The following ATG4C variants were observed in gnomAD, a reference collection of about 807,000 sequenced individuals.
ATG4C encodes cysteine protease ATG4C.
A neutral mutation model predicts 57.6 loss-of-function variants in ATG4C; 56 were observed. That is an observed-to-expected ratio of 0.97 (90% CI 0.78 to 1.21). The LOEUF is 1.21. Among genes scored for constraint, ATG4C ranks in the 50% most tolerant of loss-of-function variants. ATG4C has a pLI of 0.00. For synonymous variants in ATG4C, 157 were observed against 174.1 expected (o/e 0.90, Z 0.78); for missense variants, 595 against 529.8 (o/e 1.12, Z -1.21).
rs1020186470 is a variant in ATG4C, at chr1:62,813,168, A to G, written c.161-3407A>G. 5.3e-5 allele frequency among the ~76,000 whole-genome samples: 8 copies of G among 152,326 alleles called. No homozygotes were observed. In the East Asian group the frequency reaches 9.6e-4, roughly 18 times the overall value. On this transcript the variant is annotated intron_variant, in intron 3 of 10. Coordinates refer to ENST00000317868, the MANE Select transcript of ATG4C (RefSeq NM_032852.4). ...AAAAAGAGCTCGCGTAGCCAAGACA[A>G]TCCTAAGCAAAAAGAACAAAGCTGG...
chr1:62,819,943 TTGTG>T (rs1442836163), intron 5 of ATG4C, among the ~76,000 whole-genome samples: 5 of 152,050 alleles, frequency 3.3e-5, no homozygotes, highest in Admixed American at 6.6e-5. Flanking sequence ...ATTATCTTAT[TTGTG>T]TGTGTATCCC....
Position 62,823,332 on chromosome 1 carries a change from G to C in ATG4C, c.796+2123G>C, listed in dbSNP as rs1665544384. On this transcript the variant is annotated intron_variant, in intron 6 of 10. Transcript: ENST00000317868. ...TTCCTATTTTCTCTTGACTAATAGT[G>C]GCATGTCCACATATGTACTCAAGTA... Among the ~76,000 whole-genome samples, 7 of 152,186 alleles carry C rather than the reference G, an allele frequency of 4.6e-5. No homozygotes were observed. The South Asian group carries it at 1.5e-3, about 32-fold the overall frequency.
intron 9 of ATG4C, among the ~76,000 whole-genome samples, chr1:62,840,058 A>G (rs917517261): frequency 1.3e-5 from 2 of 152,184 alleles, no homozygotes; most frequent in Non-Finnish European, 2.9e-5. Flanking sequence ...TATTTTTTCC[A>G]CACTTTAATA....
At chr1:62,863,586 G>A (rs1666916991) in intron 10 of ATG4C, among the ~76,000 whole-genome samples, 1 of 151,962 alleles carries the variant, frequency 6.6e-6, no homozygotes, top group Non-Finnish European at 1.5e-5. Context: ...TCAGTTTACT[G>A]CCTAGATTAC....
intron 3 of ATG4C, among the ~76,000 whole-genome samples, chr1:62,814,443 CAGTG>C (rs772681098): frequency 5.9e-5 from 9 of 152,018 alleles, no homozygotes; most frequent in East Asian, 1.9e-4. Flanking sequence ...CAGGGCCTGT[CAGTG>C]GGTGGGGGAC....
chr1:62,805,284 A>C (rs761545706), intron 3 of ATG4C, 29 bp downstream of exon 3: 37 of 1,479,114 alleles, frequency 2.5e-5, no homozygotes, highest in Non-Finnish European at 3.1e-5. Context: ...AACCATTTAA[A>C]AATTTTTGTA....
At chr1:62,820,154 T>C (rs1240629072) in intron 5 of ATG4C, among the ~76,000 whole-genome samples, 1 of 152,084 alleles carries the variant, frequency 6.6e-6, no homozygotes, top group African/African-American at 2.4e-5. Flanking sequence ...TGATTGTTAA[T>C]AATATATCAA....
intron 1 of ATG4C, among the ~76,000 whole-genome samples, chr1:62,799,148 G>A (rs1201372250): frequency 6.6e-6 from 1 of 152,066 alleles, no homozygotes; most frequent in Non-Finnish European, 1.5e-5. Context: ...TGAAAACTCG[G>A]CTCCAGCATT....
At chr1:62,863,304 AAT>A (rs1240127279) in intron 10 of ATG4C, among the ~76,000 whole-genome samples, 5 of 152,006 alleles carry the variant, frequency 3.3e-5, no homozygotes, top group African/African-American at 1.2e-4. Context: ...TTATTGTAGA[AAT>A]AGTTTATTTA....
chr1:62,850,903 C>T (rs61767097), intron 10 of ATG4C, among the ~76,000 whole-genome samples: 1,991 of 92,884 alleles, frequency 0.021, 31 homozygotes, highest in South Asian at 0.029. Context: ...TATATATATA[C>T]ATACACATAC....
chr1:62,786,742 T>C (rs1664097811), intron 1 of ATG4C, among the ~76,000 whole-genome samples: 2 of 152,214 alleles, frequency 1.3e-5, no homozygotes, highest in Admixed American at 1.3e-4. Context: ...TAGAATTTAC[T>C]AACAGAGGAG....
intron 5 of ATG4C, among the ~76,000 whole-genome samples, chr1:62,819,607 A>G (rs1665416178): frequency 6.6e-6 from 1 of 152,146 alleles, no homozygotes; most frequent in Non-Finnish European, 1.5e-5. Flanking sequence ...AGAATACCTT[A>G]CTGAAATGCT....
At chr1:62,856,933 G>A (rs1666702498) in intron 10 of ATG4C, among the ~76,000 whole-genome samples, 1 of 152,122 alleles carries the variant, frequency 6.6e-6, no homozygotes, top group Admixed American at 6.5e-5. Context: ...GGACCTGAGT[G>A]ATCTGGCCCT....
intron 10 of ATG4C, among the ~76,000 whole-genome samples, chr1:62,845,557 A>G (rs1371475553): frequency 1.3e-5 from 2 of 152,170 alleles, no homozygotes; most frequent in Non-Finnish European, 2.9e-5. Context: ...TAATTTTAAT[A>G]TAGTCAAATT....
chr1:62,797,956 A>T (rs1328968986), intron 1 of ATG4C, among the ~76,000 whole-genome samples: 1 of 152,152 alleles, frequency 6.6e-6, no homozygotes. Flanking sequence ...AGTAGCTGAG[A>T]TTACAGGCGC....
At chr1:62,835,593 T>C (rs1665974692) in intron 9 of ATG4C, 1 of 165,500 alleles carries the variant, frequency 6.0e-6, no homozygotes, top group Non-Finnish European at 1.3e-5. Flanking sequence ...CTGAATACTT[T>C]GTTTTAGTAA....
At chr1:62,816,552 T>TAG in intron 3 of ATG4C, 23 bp from the exon 4 acceptor site, 1 of 1,549,732 alleles carries the variant, frequency 6.5e-7, no homozygotes, top group Non-Finnish European at 8.8e-7. Flanking sequence ...TGGTTATCTT[T>TAG]AGACCGTATG....
intron 3 of ATG4C, among the ~76,000 whole-genome samples, chr1:62,811,526 A>G (rs547687379): frequency 4.3e-4 from 65 of 152,328 alleles, no homozygotes; most frequent in African/African-American, 1.6e-3. Context: ...TGAGCTGTCT[A>G]TAAAGAAAAC....
At chr1:62,849,867 T>C (rs1467461053) in intron 10 of ATG4C, among the ~76,000 whole-genome samples, 2 of 152,132 alleles carry the variant, frequency 1.3e-5, no homozygotes, top group African/African-American at 4.8e-5. Context: ...TGATACAAGC[T>C]ACGCCATTAT....
Sources: gnomAD v4.1 joint callset for allele counts (sites outside exome capture counted in the v4.1 genomes callset) on GRCh38, gnomAD v4.1.1 for gene constraint, MANE v1.5 for transcripts, NCBI Gene and HGNC (gene_info 2026-07-23, HGNC 2026-07-21) for gene names.